The following CDK6 variants were observed in gnomAD, a reference collection of about 807,000 sequenced individuals.
The protein encoded by CDK6 is cyclin-dependent kinase 6.
In CDK6, 6 loss-of-function variants were observed where a neutral mutation model predicts 37.1. The ratio of observed to expected loss-of-function variants is 0.16; its 90% confidence interval spans 0.09 to 0.32. CDK6 has a LOEUF of 0.32. Ranked by LOEUF, CDK6 falls within the 10% of genes least tolerant of loss-of-function variation. The pLI is 1.00. For synonymous variants in CDK6, 160 were observed against 161.3 expected (o/e 0.99, Z 0.06); for missense variants, 224 against 418.9 (o/e 0.53, Z 4.06).
chr7:92,766,908 T>G (rs904117013), intron 3 of CDK6, among the ~76,000 whole-genome samples: 1 of 152,200 alleles, frequency 6.6e-6, no homozygotes, highest in African/African-American at 2.4e-5. Context: ...TGAGTCAGTC[T>G]TACAGTACCT....
At chr7:92,630,783 A>T (rs1208288636) in intron 5 of CDK6, among the ~76,000 whole-genome samples, 2 of 152,160 alleles carry the variant, frequency 1.3e-5, no homozygotes, top group Non-Finnish European at 2.9e-5. Flanking sequence ...ACTATAGTTT[A>T]AATTGGGCTT....
intron 5 of CDK6, among the ~76,000 whole-genome samples, chr7:92,661,245 T>C (rs1207122237): frequency 6.6e-6 from 1 of 152,210 alleles, no homozygotes; most frequent in Non-Finnish European, 1.5e-5. Context: ...AAGCCTCTTC[T>C]TGGGCCTCAG....
rs1585334067 is a variant in CDK6, at chr7:92,611,682, G to A, written c.*3458C>T. ...CTCATCAAGATGGATAGTACATTCT[G>A]GAGAGTCAAACTATACATTTCTCTA... On this transcript the variant is annotated 3_prime_UTR_variant, in exon 8 of 8. Coordinates refer to ENST00000424848, the MANE Select transcript of CDK6 (RefSeq NM_001145306.2). 8 of 229,102 alleles carry A rather than the reference G, an allele frequency of 3.5e-5. No homozygotes were observed. In the East Asian group the frequency reaches 5.0e-4, roughly 14 times the overall value. 14.2% of individuals were successfully genotyped at this position (229,102 alleles called of 1,614,324 possible).
At chr7:92,778,142 A>G (rs751252117) in intron 2 of CDK6, among the ~76,000 whole-genome samples, 3 of 152,002 alleles carry the variant, frequency 2.0e-5, no homozygotes, top group Non-Finnish European at 2.9e-5. Context: ...AAAAAACCCC[A>G]CCACTGTAAT....
chr7:92,707,943 G>A (rs965958165), intron 4 of CDK6, among the ~76,000 whole-genome samples: 2 of 152,094 alleles, frequency 1.3e-5, no homozygotes, highest in African/African-American at 4.8e-5. Flanking sequence ...AAATTTTTAG[G>A]CATATTTAGT....
chr7:92,691,480 T>A (rs993299332), intron 4 of CDK6, among the ~76,000 whole-genome samples: 4 of 152,250 alleles, frequency 2.6e-5, no homozygotes, highest in Non-Finnish European at 4.4e-5. Flanking sequence ...TTCTTAATTA[T>A]CAAATCACTG....
chr7:92,775,753 T>C (rs1401635420), intron 2 of CDK6, among the ~76,000 whole-genome samples: 7 of 152,172 alleles, frequency 4.6e-5, no homozygotes, highest in Admixed American at 4.6e-4. Flanking sequence ...GAATGTAATA[T>C]AAATACTAAG....
chr7:92,606,881 C>T lies in CDK6; in HGVS notation c.*8259G>A. On this transcript the variant is annotated 3_prime_UTR_variant, in exon 8 of 8. Transcript: ENST00000424848. Reference sequence around the variant, plus strand: ...AATATTTTTCTTTTCTTAACACATACTGCTCTTCTATACCAAACACTTGCC... The same window carrying T: ...AATATTTTTCTTTTCTTAACACATATTGCTCTTCTATACCAAACACTTGCC... The T allele has an allele frequency of 4.3e-6, 1 of 232,988 alleles. No homozygotes were observed. The highest frequency in any genetic ancestry group is 8.5e-6 in the Non-Finnish European group (1 of 117,888). The allele number at this position is 232,988 out of a possible 1,614,324, so 14.4% of individuals were successfully genotyped here. A position where few individuals can be genotyped will look rare whatever the true frequency, so the allele number is the denominator to read the frequency against.
chr7:92,788,750 T>G (rs954666900), intron 2 of CDK6, among the ~76,000 whole-genome samples: 2 of 152,112 alleles, frequency 1.3e-5, no homozygotes, highest in African/African-American at 4.8e-5. Context: ...ACACAAGGGA[T>G]CTGCAATAAG....
intron 2 of CDK6, among the ~76,000 whole-genome samples, chr7:92,783,409 C>T (rs141818804): frequency 6.6e-6 from 1 of 152,264 alleles, no homozygotes; most frequent in East Asian, 1.9e-4. Flanking sequence ...CACAGAAATC[C>T]TTTGTATTTA....
At chr7:92,741,041 T>G (rs1183854838) in intron 3 of CDK6, among the ~76,000 whole-genome samples, 1 of 152,206 alleles carries the variant, frequency 6.6e-6, no homozygotes, top group East Asian at 1.9e-4. Context: ...AGACATTCAG[T>G]GCTGTTTTGC....
chr7:92,685,883 G>C (rs945951464), intron 4 of CDK6, among the ~76,000 whole-genome samples: 1 of 152,144 alleles, frequency 6.6e-6, no homozygotes, highest in African/African-American at 2.4e-5. Context: ...TTACATGGAC[G>C]TAACTTTGAA....
intron 5 of CDK6, among the ~76,000 whole-genome samples, chr7:92,639,594 G>C (rs1796254959): frequency 6.6e-6 from 1 of 152,210 alleles, no homozygotes; most frequent in Admixed American, 6.5e-5. Flanking sequence ...ACATCAGACT[G>C]TACAGGCTTC....
Position 92,834,340 on chromosome 7 carries a change from T to G in CDK6, c.-367-650A>C, listed in dbSNP as rs1408293749. Among the ~76,000 whole-genome samples, 2 of 152,108 alleles carry G rather than the reference T, an allele frequency of 1.3e-5. No homozygotes were observed. The highest frequency in any genetic ancestry group is 2.9e-5 in the Non-Finnish European group (2 of 68,016). On this transcript the variant is annotated intron_variant, in intron 1 of 7. Coordinates refer to ENST00000424848, the MANE Select transcript of CDK6 (RefSeq NM_001145306.2). The surrounding 1 kb of genome is among the most constrained non-coding windows in gnomAD (Gnocchi z 4.6). ...CTACGAGGAGACATTTAAAAACGAC[T>G]CGCATACACAAATGGTCTTTTTGGG...
At chr7:92,830,539 C>A (rs1273563128) in intron 2 of CDK6, among the ~76,000 whole-genome samples, 1 of 152,054 alleles carries the variant, frequency 6.6e-6, no homozygotes, top group African/African-American at 2.4e-5. Flanking sequence ...GTTTGGGGAC[C>A]CAACTTTGAC....
chr7:92,738,321 G>A (rs534524579), intron 3 of CDK6, among the ~76,000 whole-genome samples: 19 of 152,066 alleles, frequency 1.2e-4, no homozygotes, highest in Non-Finnish European at 2.6e-4. Flanking sequence ...CTCTTACAAA[G>A]AAGAATTTAT....
At chr7:92,709,280 C>A (rs1277066263) in intron 4 of CDK6, among the ~76,000 whole-genome samples, 2 of 152,070 alleles carry the variant, frequency 1.3e-5, no homozygotes, top group Non-Finnish European at 2.9e-5. Flanking sequence ...TGCTCAACAA[C>A]CCACATACTT....
At chr7:92,685,274 T>C (rs1797422987) in intron 4 of CDK6, among the ~76,000 whole-genome samples, 1 of 152,172 alleles carries the variant, frequency 6.6e-6, no homozygotes, top group Non-Finnish European at 1.5e-5. Flanking sequence ...TATTTCTAGG[T>C]ATATCCGCTG....
At chr7:92,711,737 T>G (rs1798099418) in intron 4 of CDK6, among the ~76,000 whole-genome samples, 1 of 151,498 alleles carries the variant, frequency 6.6e-6, no homozygotes, top group Non-Finnish European at 1.5e-5. Context: ...CTGGCTAATT[T>G]TTTTATTTTT....
Sources: allele counts gnomAD v4.1 joint callset (sites outside exome capture counted in the v4.1 genomes callset), GRCh38; gene constraint gnomAD v4.1.1; non-coding constraint Gnocchi (gnomAD v3.1); transcripts MANE v1.5; gene names NCBI Gene and HGNC (gene_info 2026-07-23, HGNC 2026-07-21).